ARAP3: variants seen among roughly 807,000 people sequenced by gnomAD.
The protein encoded by ARAP3 is ArfGAP with RhoGAP domain, ankyrin repeat and PH domain 3.
ARAP3 carries 82 observed loss-of-function variants against 169.2 expected under a neutral mutation model. The ratio of observed to expected loss-of-function variants is 0.48; its 90% CI spans 0.41 to 0.58. The LOEUF (loss-of-function observed/expected upper bound fraction) is 0.58. Among genes scored for constraint, ARAP3 ranks in the 20% least tolerant of loss-of-function variants. ARAP3 has a pLI of 0.00. For synonymous variants in ARAP3, 791 were observed against 800.3 expected, an observed-to-expected ratio of 0.99 and a Z score of 0.20; for missense variants, 1,764 against 2,018.0, an observed-to-expected ratio of 0.87 and a Z score of 2.41.
chr5:141,660,348 G>T (rs56353868), intron 21 of ARAP3, among the ~76,000 whole-genome samples: 1 of 151,858 alleles, frequency 6.6e-6, no homozygotes, highest in Non-Finnish European at 1.5e-5. Flanking sequence ...AAAAAAATTA[G>T]CCGGGCGTGA....
intron 16 of ARAP3, 46 bp downstream of exon 16, chr5:141,669,663 G>A: frequency 6.4e-7 from 1 of 1,570,202 alleles, no homozygotes; most frequent in African/African-American, 1.4e-5. Flanking sequence ...AGCACGTGGG[G>A]ACAAGGAAAG....
At chr5:141,674,033 G>A (rs910296530) in intron 4 of ARAP3, among the ~76,000 whole-genome samples, 6 of 145,566 alleles carry the variant, frequency 4.1e-5, no homozygotes, top group Admixed American at 7.1e-5. Flanking sequence ...GCGCAATCTC[G>A]GCTCACCACA....
intron 19 of ARAP3, among the ~76,000 whole-genome samples, chr5:141,662,605 A>G (rs1473250851): frequency 6.6e-6 from 1 of 152,228 alleles, no homozygotes; most frequent in African/African-American, 2.4e-5. Flanking sequence ...TTGTAACCCC[A>G]AAATCAATAC....
In ARAP3 at chr5:141,673,684, G is replaced by A; in HGVS notation, c.823C>T (p.Pro275Ser). 1 of 1,614,232 alleles carries A rather than the reference G, an allele frequency of 6.2e-7. No homozygotes were observed. The highest frequency in any genetic ancestry group is 1.1e-5 in the South Asian group (1 of 91,086). ...TEETSDDLIS[P>S]YASFSFTADR... ...GCCGTGAAGGAGAAGCTGGCATAGGGTGAAATGAGGTCATCACTGGTCTCC... is the reference window on the plus strand; with the variant it reads ...GCCGTGAAGGAGAAGCTGGCATAGGATGAAATGAGGTCATCACTGGTCTCC... The change falls in exon 5 of 33, where the codon CCC becomes TCC. Residue 275 changes from proline (P) to serine (S), a missense_variant. This residue lies in a region of ARAP3 where 630 missense variants were observed against 678.7 expected (regional missense o/e 0.93). Coordinates refer to ENST00000239440, the MANE Select transcript of ARAP3 (RefSeq NM_022481.6).
chr5:141,655,948 T>A lies in ARAP3; in HGVS notation c.3909-16A>T. ...GGACAAGTAGCTGGGGTGATCAGAA[T>A]GGAATCAGAGGGAGAGAGAGGGTCA... On this transcript the variant is annotated splice_polypyrimidine_tract_variant and intron_variant, in intron 29 of 32. Transcript: ENST00000239440. 1 of 1,613,526 alleles carries A rather than the reference T, an allele frequency of 6.2e-7. No individual in the cohort carries two copies. The highest frequency in any genetic ancestry group is 1.3e-5 in the African/African-American group (1 of 74,832).
In ARAP3 at chr5:141,665,745, T is replaced by C. The variant is rs574708050; in HGVS notation, c.2573-371A>G. Among the ~76,000 whole-genome samples the C allele has an allele frequency of 1.8e-4, 28 of 152,112 alleles. No individual in the cohort carries two copies. In the South Asian group the frequency reaches 5.8e-3, roughly 32 times the overall value. On this transcript the variant is annotated intron_variant, in intron 17 of 32. Coordinates refer to ENST00000239440, the MANE Select transcript of ARAP3 (RefSeq NM_022481.6). ...AGTGATTCCAAATAATAATAATATT[T>C]ATAGACCGGGCGCAGTGGCTCACTC...
intron 4 of ARAP3, among the ~76,000 whole-genome samples, chr5:141,679,105 A>T (rs2099912618): frequency 6.6e-6 from 1 of 152,128 alleles, no homozygotes; most frequent in Admixed American, 6.5e-5. Context: ...CCTGGCCAAC[A>T]TGGCGAAACC....
Position 141,666,618 on chromosome 5 carries a change from T to C in ARAP3, c.2378A>G (p.Gln793Arg). 1.4e-6 allele frequency: 2 copies of C among 1,449,750 alleles called. No individual in the cohort carries two copies. Among genetic ancestry groups the C allele is most frequent in the Admixed American group, 2.7e-5 (1 of 37,012 alleles). The allele number at this position is 1,449,750 out of a possible 1,614,324, so 89.8% of individuals were successfully genotyped here. A position where few individuals can be genotyped will look rare whatever the true frequency, so the allele number is the denominator to read the frequency against. The change falls in exon 17 of 33, where the codon CAG becomes CGG. Residue 793 changes from glutamine (Q) to arginine (R), a missense_variant. Gln to Arg is a conservative substitution (Grantham distance 43). Transcript: ENST00000239440. ...GKWFSPLSCHQLLGPGLLRLG... is the reference protein window; with the variant it reads ...GKWFSPLSCHRLLGPGLLRLG... ...CCGCAGCAGCCCGGGGCCCAGCAGC[T>C]GGTGGCAGCTCAGCGGGGAGAACCA... is the stretch of plus-strand genomic sequence containing the variant.
chr5:141,653,808 A>C lies in ARAP3; in HGVS notation c.*142T>G, dbSNP rs2099908841. The C allele has an allele frequency of 8.2e-7, 1 of 1,217,642 alleles. No homozygotes were observed. Among genetic ancestry groups the C allele is most frequent in the Non-Finnish European group, 1.1e-6 (1 of 897,386 alleles). The allele number at this position is 1,217,642 out of a possible 1,614,324, so 75.4% of individuals were successfully genotyped here. On this transcript the variant is annotated 3_prime_UTR_variant, in exon 33 of 33. Coordinates refer to ENST00000239440, the MANE Select transcript of ARAP3 (RefSeq NM_022481.6). ...CTGTCCTGGGACACGCAGCCACTGA[A>C]GCCTTTAGTCCAGTGCTCCTTCCAC...
intron 4 of ARAP3, among the ~76,000 whole-genome samples, chr5:141,678,576 C>G (rs1420903733): frequency 6.6e-6 from 1 of 151,962 alleles, no homozygotes; most frequent in Non-Finnish European, 1.5e-5. Context: ...CTACCTCCAC[C>G]TCTCCGGTTC....
At chr5:141,666,300 G>T in intron 17 of ARAP3, 124 bp downstream of exon 17, 1 of 938,746 alleles carries the variant, frequency 1.1e-6, no homozygotes, top group Non-Finnish European at 1.5e-6. Flanking sequence ...TTTCCCTTCA[G>T]AGCTTGTACC....
At position 141,673,398 on chromosome 5, in the gene ARAP3, C is replaced by G. The variant is rs185977620; in HGVS notation, c.972+3G>C. On this transcript the variant is annotated splice_donor_region_variant and intron_variant, in intron 6 of 32. Coordinates refer to ENST00000239440, the MANE Select transcript of ARAP3 (RefSeq NM_022481.6). ...CATATCGTCACATCTCCCAGCCCCC[C>G]ACCTTGTCACTGCCAAAGTACATCA... 3.7e-6 allele frequency: 6 copies of G among 1,614,016 alleles called. No homozygotes were observed. The highest frequency in any genetic ancestry group is 3.3e-5 in the Admixed American group (2 of 59,994).
In ARAP3 at chr5:141,671,550, C is replaced by G. The variant is rs1223549818; in HGVS notation, c.1854+20G>C. On this transcript the variant is annotated intron_variant, in intron 12 of 32. Transcript: ENST00000239440. This position sits in a 1 kb window ranked among gnomAD's most constrained non-coding sequence, Gnocchi z 4.9. ...TCCTGACCCCCCCACCCCAGATCAC[C>G]CCTGCTCTGTCCCTCCTACCTGGAG... 8.7e-6 allele frequency: 14 copies of G among 1,613,500 alleles called. No individual in the cohort carries two copies. Among genetic ancestry groups the G allele is most frequent in the Non-Finnish European group, 1.2e-5 (14 of 1,179,812 alleles).
At chr5:141,662,378 G>C in intron 19 of ARAP3, 123 bp from the exon 20 acceptor site, 1 of 864,168 alleles carries the variant, frequency 1.2e-6, no homozygotes, top group Admixed American at 2.4e-5. Context: ...GAGAGGAGGA[G>C]ATCTATGCCT....
chr5:141,656,653 C>T lies in ARAP3; in HGVS notation c.3656-16G>A. The T allele has an allele frequency of 6.2e-7, 1 of 1,613,448 alleles. No homozygotes were observed. The highest frequency in any genetic ancestry group is 8.5e-7 in the Non-Finnish European group (1 of 1,179,740). On this transcript the variant is annotated splice_polypyrimidine_tract_variant and intron_variant, in intron 26 of 32. Transcript: ENST00000239440. ...CGTCGGATACCTGGGCATAGATGGGCAATCCTGGGTGGAGGATGCTAGGGG... is the reference window on the plus strand; with the variant it reads ...CGTCGGATACCTGGGCATAGATGGGTAATCCTGGGTGGAGGATGCTAGGGG...
Position 141,679,995 on chromosome 5 carries a change from G to A in ARAP3, c.492C>T (p.Asp164=). 1 of 1,614,200 alleles carries A rather than the reference G, an allele frequency of 6.2e-7. No homozygotes were observed. Among genetic ancestry groups the A allele is most frequent in the Non-Finnish European group, 8.5e-7 (1 of 1,180,042 alleles). Residue 164 remains aspartate, a synonymous_variant, in exon 2 of 33, where the codon GAC becomes GAT. Coordinates refer to ENST00000239440, the MANE Select transcript of ARAP3 (RefSeq NM_022481.6). ...GAGCTGCCTGTGCCCTGCCTCTTGA[G>A]TCCAGGCCGAAGTAGATGGAATTAG... The part of the protein sequence containing the change: ...MMPNSIYFGL[D]SRGRAQAAQD...
intron 25 of ARAP3, 133 bp downstream of exon 25, chr5:141,658,232 G>T (rs144186690): frequency 1.2e-6 from 1 of 838,262 alleles, no homozygotes; most frequent in Non-Finnish European, 1.9e-6. Flanking sequence ...ATGTCCCCTC[G>T]CATGGATGAG....
At chr5:141,679,160 G>A (rs1012816912) in intron 4 of ARAP3, among the ~76,000 whole-genome samples, 4 of 152,174 alleles carry the variant, frequency 2.6e-5, no homozygotes, top group South Asian at 4.2e-4. Context: ...ATGGTGGCAC[G>A]CACCTGTAAT....
At chr5:141,658,305 CCACA>C in intron 25 of ARAP3, 56 bp downstream of exon 25, 1 of 1,550,692 alleles carries the variant, frequency 6.4e-7, no homozygotes, top group Non-Finnish European at 8.8e-7. Flanking sequence ...ATGACCTTGA[CCACA>C]CAACCACACA....
Sources: allele counts gnomAD v4.1 joint callset (sites outside exome capture counted in the v4.1 genomes callset), GRCh38; gene constraint gnomAD v4.1.1; regional missense constraint gnomAD v4.1.1; non-coding constraint Gnocchi (gnomAD v3.1); transcripts MANE v1.5; gene names NCBI Gene and HGNC (gene_info 2026-07-23, HGNC 2026-07-21).